The following EFCAB7 variants were observed in gnomAD, a reference collection of about 807,000 sequenced individuals.
EFCAB7 encodes the protein EF-hand calcium-binding domain-containing protein 7.
EFCAB7 carries 66 observed loss-of-function variants against 77.1 expected under a neutral mutation model. The observed-to-expected ratio is 0.86, with a 90% CI of 0.70 to 1.05. The LOEUF (loss-of-function observed/expected upper bound fraction) is 1.05. Among genes scored for constraint, EFCAB7 ranks in the 50% least tolerant of loss-of-function variants. The pLI, the probability that EFCAB7 is intolerant of heterozygous loss-of-function variation, is 0.00. For missense variants in EFCAB7, 638 were observed against 730.5 expected, an observed-to-expected ratio of 0.87 and a Z score of 1.46; for synonymous variants, 225 against 243.3, an observed-to-expected ratio of 0.92 and a Z score of 0.70.
chr1:63,579,135 T>C, the EFCAB7 span, among the ~76,000 whole-genome samples: 1 of 152,124 alleles, frequency 6.6e-6, no homozygotes, highest in East Asian at 1.9e-4. Flanking sequence ...TATAGATTCA[T>C]ATAACCACCA....
rs759447681 is a variant in EFCAB7 at position 63,568,393 on chromosome 1, A to G, written c.1581A>G (p.Gln527=). ...TCCATATGGAGGCATGTAGTGGACA[A>G]CTTGAGAAGGCCATTTGTAAATCTG... ...KAVHMEACSG[Q]LEKAICKSVL... is the part of the protein sequence containing the mutation. The change falls in exon 12 of 14, where the codon CAA becomes CAG. Residue 527 remains glutamine (Q), a synonymous_variant. Coordinates refer to ENST00000371088, the MANE Select transcript of EFCAB7 (RefSeq NM_032437.4). The G allele has an allele frequency of 8.2e-6, 13 of 1,583,738 alleles. No homozygotes were observed. Among genetic ancestry groups the G allele is most frequent in the South Asian group, 6.9e-5 (6 of 86,430 alleles).
chr1:63,575,779 G>A (rs1358923924), downstream of EFCAB7, among the ~76,000 whole-genome samples: 5 of 151,864 alleles, frequency 3.3e-5, no homozygotes, highest in Non-Finnish European at 7.4e-5. Context: ...GTAGAGGTGG[G>A]GTTTTGCCAT....
chr1:63,530,400 C>A (rs565581038), intron 2 of EFCAB7, among the ~76,000 whole-genome samples: 1 of 152,064 alleles, frequency 6.6e-6, no homozygotes, highest in African/African-American at 2.4e-5. Flanking sequence ...TATGTTAATT[C>A]CTTCTGTGGT....
chr1:63,551,576 G>T lies in EFCAB7; in HGVS notation c.947-149G>T. The T allele has an allele frequency of 5.5e-6, 2 of 366,292 alleles. 1 individual carries two copies. The highest frequency in any genetic ancestry group is 1.5e-4 in the South Asian group (2 of 13,554). The allele number at this position is 366,292 out of a possible 1,614,324, so 22.7% of individuals were successfully genotyped here. A position where few individuals can be genotyped will look rare whatever the true frequency, so the allele number is the denominator to read the frequency against. On this transcript the variant is annotated intron_variant, in intron 7 of 13. Transcript: ENST00000371088. ...ACTGCATTCCAGGCTGGGTGACCAA[G>T]TGAGACTCCGTCTTGAAAAAAAAAA...
At chr1:63,573,050 G>C (rs184262359), downstream of EFCAB7, among the ~76,000 whole-genome samples, 825 of 152,254 alleles carry the variant, frequency 5.4e-3, 12 homozygotes, top group Non-Finnish European at 7.1e-3. Context: ...CGATGTGTAC[G>C]TGCAGGTCAC....
At chr1:63,567,413 A>G (rs1425215125) in intron 11 of EFCAB7, among the ~76,000 whole-genome samples, 1 of 152,024 alleles carries the variant, frequency 6.6e-6, no homozygotes, top group Non-Finnish European at 1.5e-5. Flanking sequence ...AGATCACCCA[A>G]CTGCACTCCA....
chr1:63,540,833 TATA>T (rs1440196799), intron 6 of EFCAB7, among the ~76,000 whole-genome samples: 1 of 150,130 alleles, frequency 6.7e-6, no homozygotes, highest in Non-Finnish European at 1.5e-5. Context: ...TAGTTCAGTT[TATA>T]ATGATAAAAT....
At chr1:63,566,277 A>G (rs74330114) in intron 11 of EFCAB7, among the ~76,000 whole-genome samples, 7 of 152,248 alleles carry the variant, frequency 4.6e-5, no homozygotes, top group African/African-American at 1.2e-4. Context: ...GTTCTCATTT[A>G]TAAGCGGGAG....
chr1:63,526,702 C>G (rs1037075153), intron 2 of EFCAB7, among the ~76,000 whole-genome samples: 8 of 152,060 alleles, frequency 5.3e-5, no homozygotes, highest in African/African-American at 1.9e-4. Context: ...CTAAAATGCT[C>G]TATTTTGAAT....
intron 4 of EFCAB7, 44 bp from the exon 5 acceptor site, chr1:63,533,410 G>T (rs775289430): frequency 6.8e-7 from 1 of 1,460,246 alleles, no homozygotes; most frequent in Non-Finnish European, 9.4e-7. Flanking sequence ...CTTCCCCAGT[G>T]TATGATTGAA....
intron 9 of EFCAB7, among the ~76,000 whole-genome samples, chr1:63,556,207 G>T (rs1448136111): frequency 6.6e-6 from 1 of 152,038 alleles, no homozygotes; most frequent in Non-Finnish European, 1.5e-5. Flanking sequence ...GGTGATTATA[G>T]TTATATATTG....
chr1:63,568,431 G>A lies in EFCAB7; in HGVS notation c.1619G>A (p.Gly540Asp), dbSNP rs1189578491. The change falls in exon 12 of 14, where the codon GGT becomes GAT. Residue 540 changes from glycine to aspartate, a missense_variant. Coordinates refer to ENST00000371088, the MANE Select transcript of EFCAB7 (RefSeq NM_032437.4). ...KAICKSVLSN[G>D]DAKVMDGYEN... ...ATTTGTAAATCTGTTCTTAGCAACG[G>A]TGATGCCAAAGTAATGGATGGCTAT... 1.9e-6 allele frequency: 3 copies of A among 1,589,430 alleles called. No individual in the cohort carries two copies. The highest frequency in any genetic ancestry group is 2.6e-6 in the Non-Finnish European group (3 of 1,169,856).
At chr1:63,545,091 G>A (rs895637953) in intron 6 of EFCAB7, among the ~76,000 whole-genome samples, 1 of 150,942 alleles carries the variant, frequency 6.6e-6, no homozygotes, top group Non-Finnish European at 1.5e-5. Flanking sequence ...GCTAAATTTT[G>A]TATTTTTAGT....
downstream of EFCAB7, among the ~76,000 whole-genome samples, chr1:63,577,196 A>G (rs2100937070): frequency 6.6e-6 from 1 of 152,206 alleles, no homozygotes; most frequent in South Asian, 2.1e-4. Flanking sequence ...ATATATATGA[A>G]TATTTAACAA....
intron 6 of EFCAB7, among the ~76,000 whole-genome samples, chr1:63,540,101 G>A (rs1413122167): frequency 1.3e-5 from 2 of 151,990 alleles, no homozygotes; most frequent in African/African-American, 2.4e-5. Context: ...AGTGGCTCAC[G>A]CCTGTAATCC....
At chr1:63,544,147 T>G (rs1646866164) in intron 6 of EFCAB7, among the ~76,000 whole-genome samples, 1 of 151,682 alleles carries the variant, frequency 6.6e-6, no homozygotes, top group Non-Finnish European at 1.5e-5. Context: ...TTTTGTATTT[T>G]TAGTAGAGAT....
chr1:63,574,826 C>T (rs183304815), downstream of EFCAB7, among the ~76,000 whole-genome samples: 604 of 152,294 alleles, frequency 4.0e-3, 4 homozygotes, highest in African/African-American at 0.013. Flanking sequence ...AATATTGACG[C>T]GTAGTCCTTT....
chr1:63,543,247 A>G (rs1183311526), intron 6 of EFCAB7, among the ~76,000 whole-genome samples: 2 of 152,176 alleles, frequency 1.3e-5, no homozygotes, highest in Non-Finnish European at 2.9e-5. Context: ...TCATTAGACC[A>G]TATAGGCAAG....
At chr1:63,563,444 G>C (rs955850554) in intron 11 of EFCAB7, among the ~76,000 whole-genome samples, 2 of 152,240 alleles carry the variant, frequency 1.3e-5, no homozygotes, top group Non-Finnish European at 2.9e-5. Context: ...GCTAAGAGCA[G>C]AATGCTCATT....
Sources: allele counts gnomAD v4.1 joint callset (sites outside exome capture counted in the v4.1 genomes callset), GRCh38; gene constraint gnomAD v4.1.1; transcripts MANE v1.5; gene names NCBI Gene and HGNC (gene_info 2026-07-23, HGNC 2026-07-21).